The following ANO6 variants were observed in gnomAD, a reference collection of about 807,000 sequenced individuals.
The protein encoded by ANO6 is anoctamin-6.
In ANO6, 106 loss-of-function variants were observed where a neutral mutation model predicts 117.5. That is an observed-to-expected ratio of 0.90 (90% CI 0.77 to 1.06). The LOEUF is 1.06. Ranked by LOEUF, ANO6 falls within the 50% of genes least tolerant of loss-of-function variation. The pLI is 0.00. For synonymous variants in ANO6, 367 were observed against 385.1 expected, an observed-to-expected ratio of 0.95 and a Z score of 0.55; for missense variants, 955 against 1,121.1, an observed-to-expected ratio of 0.85 and a Z score of 2.12.
At chr12:45,399,256 C>T (rs778391467) in intron 12 of ANO6, among the ~76,000 whole-genome samples, 26 of 152,206 alleles carry the variant, frequency 1.7e-4, no homozygotes, top group Admixed American at 4.6e-4. Flanking sequence ...AAGTGCAATG[C>T]GTGGTCTCAG....
chr12:45,377,501 A>G (rs957859483), intron 9 of ANO6, among the ~76,000 whole-genome samples: 6 of 152,214 alleles, frequency 3.9e-5, no homozygotes, highest in Admixed American at 6.5e-5. Flanking sequence ...CAGTGATGGT[A>G]GAAAAGCCAT....
At chr12:45,316,210 G>A (rs904200024) in intron 2 of ANO6, among the ~76,000 whole-genome samples, 12 of 151,998 alleles carry the variant, frequency 7.9e-5, no homozygotes, top group Non-Finnish European at 4.4e-5. Flanking sequence ...GTACTGTTGG[G>A]AAATATCACT....
At chr12:45,252,546 C>T (rs1226041603) in intron 1 of ANO6, among the ~76,000 whole-genome samples, 1 of 151,930 alleles carries the variant, frequency 6.6e-6, no homozygotes, top group Non-Finnish European at 1.5e-5. Flanking sequence ...GGTGTATCTC[C>T]GTTGTTTCTT....
At chr12:45,315,370 G>A (rs150580675) in intron 2 of ANO6, among the ~76,000 whole-genome samples, 1,706 of 152,132 alleles carry the variant, frequency 0.011, 20 homozygotes, top group Non-Finnish European at 0.014. Flanking sequence ...GTCCAGTTAG[G>A]AGATGACCAT....
chr12:45,310,619 G>A (rs920182162), intron 2 of ANO6, among the ~76,000 whole-genome samples: 1 of 152,062 alleles, frequency 6.6e-6, no homozygotes, highest in African/African-American at 2.4e-5. Flanking sequence ...GATTGATAAT[G>A]GTTAAAGGTC....
chr12:45,367,874 A>G, intron 9 of ANO6, 81 bp downstream of exon 9: 1 of 1,050,702 alleles, frequency 9.5e-7, no homozygotes, highest in South Asian at 1.3e-5. Context: ...ATAGTATTGT[A>G]TCTTTTTTCC....
intron 8 of ANO6, among the ~76,000 whole-genome samples, chr12:45,364,039 C>T (rs573037572): frequency 3.3e-4 from 51 of 152,336 alleles, no homozygotes; most frequent in African/African-American, 9.4e-4. Context: ...GTCTTAATTT[C>T]TCCATTTTTG....
intron 2 of ANO6, among the ~76,000 whole-genome samples, chr12:45,321,402 G>C (rs1056827870): frequency 1.3e-5 from 2 of 151,962 alleles, no homozygotes; most frequent in Non-Finnish European, 2.9e-5. Flanking sequence ...TCAGTTGGAA[G>C]GTATCGATTC....
intron 1 of ANO6, among the ~76,000 whole-genome samples, chr12:45,275,358 C>T (rs978297989): frequency 4.6e-5 from 7 of 151,968 alleles, no homozygotes; most frequent in African/African-American, 9.7e-5. Context: ...TACAGGCACC[C>T]GCCCCCACAC....
intron 1 of ANO6, among the ~76,000 whole-genome samples, chr12:45,242,379 C>A (rs989716414): frequency 9.2e-5 from 14 of 152,382 alleles, no homozygotes; most frequent in African/African-American, 2.9e-4. Context: ...ACCTGCCAAG[C>A]CAGGCATGGG....
chr12:45,220,873 C>T (rs890066603), intron 1 of ANO6, among the ~76,000 whole-genome samples: 5 of 152,320 alleles, frequency 3.3e-5, no homozygotes, highest in Middle Eastern at 3.4e-3. Context: ...TTAAGCTGAT[C>T]ACCAGTGGCT....
At chr12:45,304,899 C>G (rs1156519505) in intron 2 of ANO6, among the ~76,000 whole-genome samples, 2 of 152,150 alleles carry the variant, frequency 1.3e-5, no homozygotes, top group African/African-American at 4.8e-5. Context: ...GAAATAAATG[C>G]TGCTGTGAAC....
intron 1 of ANO6, among the ~76,000 whole-genome samples, chr12:45,295,560 TG>T (rs1296394870): frequency 2.6e-5 from 4 of 152,134 alleles, no homozygotes; most frequent in Non-Finnish European, 5.9e-5. Context: ...TTGTTTATTT[TG>T]TTTTGTTTTT....
chr12:45,352,959 C>A (rs1246290065), intron 7 of ANO6, among the ~76,000 whole-genome samples: 1 of 148,684 alleles, frequency 6.7e-6, no homozygotes, highest in East Asian at 1.9e-4. Flanking sequence ...TTGCTGATTT[C>A]ATTCTCTCCT....
At chr12:45,393,632 C>T (rs1942519516) in intron 12 of ANO6, among the ~76,000 whole-genome samples, 2 of 152,200 alleles carry the variant, frequency 1.3e-5, no homozygotes, top group Non-Finnish European at 2.9e-5. Flanking sequence ...GCCCATCAGA[C>T]TAACAGCACA....
At chr12:45,265,171 G>A (rs1938173069) in intron 1 of ANO6, among the ~76,000 whole-genome samples, 1 of 152,256 alleles carries the variant, frequency 6.6e-6, no homozygotes, top group Middle Eastern at 3.4e-3. Context: ...GCATTAATCT[G>A]TATAGTGACT....
chr12:45,233,754 C>G (rs551515510), intron 1 of ANO6, among the ~76,000 whole-genome samples: 2 of 152,216 alleles, frequency 1.3e-5, no homozygotes, highest in South Asian at 4.1e-4. Context: ...TTTCCAGCAC[C>G]CTTGTACCCC....
At chr12:45,349,604 T>C (rs571564578) in intron 6 of ANO6, among the ~76,000 whole-genome samples, 1 of 152,348 alleles carries the variant, frequency 6.6e-6, no homozygotes, top group South Asian at 2.1e-4. Flanking sequence ...AGATTGGTAA[T>C]TGCTACTGTG....
chr12:45,324,941 A>G (rs1940409639), intron 2 of ANO6, among the ~76,000 whole-genome samples: 1 of 152,210 alleles, frequency 6.6e-6, no homozygotes, highest in South Asian at 2.1e-4. Context: ...AAGGTGGGCA[A>G]TTCACAGCTA....
Sources: allele counts gnomAD v4.1 joint callset (sites outside exome capture counted in the v4.1 genomes callset), GRCh38; gene constraint gnomAD v4.1.1; transcripts MANE v1.5; gene names NCBI Gene and HGNC (gene_info 2026-07-23, HGNC 2026-07-21).